Variants in CCND3 observed in about 807,000 individuals in gnomAD.
The protein encoded by CCND3 is cyclin D3.
A neutral mutation model predicts 28.7 loss-of-function variants in CCND3; 9 were observed. The observed-to-expected ratio is 0.31, with a 90% CI of 0.19 to 0.55. CCND3 has a LOEUF of 0.55. CCND3 is among the 20% of genes least tolerant of loss of function. The pLI is 0.93. For synonymous variants in CCND3, 164 were observed against 163.9 expected, an observed-to-expected ratio of 1.00 and a Z score of 0.00; for missense variants, 315 against 385.8, an observed-to-expected ratio of 0.82 and a Z score of 1.54.
chr6:41,940,850 A>G, intron 1 of CCND3: 1 of 1,177,710 alleles, frequency 8.5e-7, no homozygotes, highest in Non-Finnish European at 1.3e-6. Flanking sequence ...TTCCAAACGG[A>G]GACTCCCCTC....
chr6:41,964,076 C>T (rs1408374837), intron 1 of CCND3, among the ~76,000 whole-genome samples: 1 of 152,210 alleles, frequency 6.6e-6, no homozygotes, highest in African/African-American at 2.4e-5. Context: ...ACCCACCCCA[C>T]AGAGTTGTGA....
chr6:41,960,973 G>A (rs1050459666), intron 1 of CCND3, among the ~76,000 whole-genome samples: 5 of 152,164 alleles, frequency 3.3e-5, no homozygotes, highest in African/African-American at 1.2e-4. Context: ...CCACTTTCAG[G>A]AGTTTCCCCT....
At chr6:41,977,820 T>C (rs1762225125) in intron 1 of CCND3, among the ~76,000 whole-genome samples, 1 of 152,194 alleles carries the variant, frequency 6.6e-6, no homozygotes, top group Non-Finnish European at 1.5e-5. Flanking sequence ...CTAAAGGTTT[T>C]TGAAACAGCC....
intron 1 of CCND3, among the ~76,000 whole-genome samples, chr6:41,950,251 G>A (rs1298677248): frequency 6.6e-6 from 1 of 152,046 alleles, no homozygotes; most frequent in Non-Finnish European, 1.5e-5. Context: ...AGGGCCTCAG[G>A]TGTGGAAGGG....
rs147099303 is a variant in CCND3, at chr6:41,937,291, T to C, written c.518A>G (p.Asp173Gly). 6.2e-7 allele frequency: 1 copy of C among 1,614,104 alleles called. No homozygotes were observed. Among genetic ancestry groups the C allele is most frequent in the East Asian group, 2.2e-5 (1 of 44,888 alleles). Residue 173 changes from aspartate (D) to glycine (G), a missense_variant, in exon 3 of 5, where the codon GAC becomes GGC. Coordinates refer to ENST00000372991, the MANE Select transcript of CCND3 (RefSeq NM_001760.5). ...ATGCTTTTTGACCAAGGCCTGTCGG[T>C]CACGGGGCAGAGAGAGCCGGTGCAG... ...FILHRLSLPRDRQALVKKHAQ... is the reference protein window; with the variant it reads ...FILHRLSLPRGRQALVKKHAQ...
chr6:42,020,286 A>AAAAAG (rs377201924), intron 1 of CCND3, among the ~76,000 whole-genome samples: 1 of 152,250 alleles, frequency 6.6e-6, no homozygotes, highest in African/African-American at 2.4e-5. Flanking sequence ...TGTCTCAAAA[A>AAAAAG]AAAAGAAAAG....
At chr6:42,003,352 C>G (rs970128522) in intron 1 of CCND3, among the ~76,000 whole-genome samples, 1 of 150,608 alleles carries the variant, frequency 6.6e-6, no homozygotes, top group Non-Finnish European at 1.5e-5. Flanking sequence ...ATGGAGAAAC[C>G]TCATCTCTAC....
At chr6:42,046,993 C>T (rs1001390829) in intron 1 of CCND3, among the ~76,000 whole-genome samples, 3 of 152,178 alleles carry the variant, frequency 2.0e-5, no homozygotes, top group Non-Finnish European at 4.4e-5. Flanking sequence ...TGCGTTTCCT[C>T]GTCTATAAAA....
intron 1 of CCND3, among the ~76,000 whole-genome samples, chr6:42,036,046 A>G (rs577206393): frequency 1.1e-3 from 167 of 151,166 alleles, no homozygotes; most frequent in African/African-American, 3.6e-3. Context: ...GCTGGAGTGC[A>G]TTGGCCCAAT....
chr6:42,045,046 C>A (rs1222684492), intron 1 of CCND3, among the ~76,000 whole-genome samples: 1 of 151,068 alleles, frequency 6.6e-6, no homozygotes, highest in Non-Finnish European at 1.5e-5. Context: ...CCTCGTGATC[C>A]GCCCACCTTG....
chr6:41,940,703 C>A, intron 1 of CCND3, 118 bp from the exon 2 acceptor site: 1 of 781,176 alleles, frequency 1.3e-6, no homozygotes, highest in Non-Finnish European at 2.2e-6. Flanking sequence ...GGGTAAGCTA[C>A]TTAGAGAGAC....
At chr6:41,952,345 G>T (rs1776336994) in intron 1 of CCND3, among the ~76,000 whole-genome samples, 1 of 152,200 alleles carries the variant, frequency 6.6e-6, no homozygotes, top group African/African-American at 2.4e-5. Context: ...AGCAGGGAAG[G>T]GACAGAGGCC....
intron 1 of CCND3, among the ~76,000 whole-genome samples, chr6:41,979,171 C>CA (rs58797317): frequency 0.029 from 2,498 of 87,516 alleles, 107 homozygotes; most frequent in Admixed American, 0.068. Context: ...AACTCTGTCT[C>CA]AAAAAAAAAA....
upstream of CCND3, chr6:42,049,979 A>G (rs1764687509): frequency 6.6e-6 from 1 of 152,444 alleles, no homozygotes; most frequent in Non-Finnish European, 1.5e-5. Flanking sequence ...TGCTCTTTAT[A>G]AGAACCGATT....
chr6:41,967,875 GTTAT>G (rs1162024307), intron 1 of CCND3, among the ~76,000 whole-genome samples: 1 of 152,184 alleles, frequency 6.6e-6, no homozygotes, highest in Non-Finnish European at 1.5e-5. Context: ...CTTCAAGGTG[GTTAT>G]TTATTTGCCT....
chr6:42,027,465 G>A (rs1211978992), intron 1 of CCND3, among the ~76,000 whole-genome samples: 1 of 149,312 alleles, frequency 6.7e-6, no homozygotes, highest in Middle Eastern at 3.3e-3. Flanking sequence ...AAAGACACCC[G>A]ACTCCACCCC....
At chr6:41,962,202 G>A (rs57184484) in intron 1 of CCND3, among the ~76,000 whole-genome samples, 122 of 152,208 alleles carry the variant, frequency 8.0e-4, no homozygotes, top group African/African-American at 2.9e-3. Context: ...CCAGGTTCAA[G>A]CGATTCTTCT....
chr6:42,038,400 C>T (rs368739913), intron 1 of CCND3, among the ~76,000 whole-genome samples: 1 of 151,790 alleles, frequency 6.6e-6, no homozygotes, highest in Non-Finnish European at 1.5e-5. Flanking sequence ...ATTAACTGGG[C>T]GTGGTGGCTT....
chr6:42,041,595 A>G (rs1432343971), intron 1 of CCND3, among the ~76,000 whole-genome samples: 1 of 152,228 alleles, frequency 6.6e-6, no homozygotes, highest in African/African-American at 2.4e-5. Flanking sequence ...AGGAAAAGGC[A>G]GCCTTGCATC....
Sources: allele counts gnomAD v4.1 joint callset (sites outside exome capture counted in the v4.1 genomes callset), GRCh38; gene constraint gnomAD v4.1.1; transcripts MANE v1.5; gene names NCBI Gene and HGNC (gene_info 2026-07-23, HGNC 2026-07-21).